TUBA3C: variants seen among roughly 807,000 people sequenced by gnomAD.
TUBA3C encodes the protein tubulin alpha 3c, also known as tubulin alpha-3C chain.
TUBA3C carries 23 observed loss-of-function variants against 33.4 expected under a neutral mutation model. The ratio of observed to expected loss-of-function variants is 0.69; its 90% CI spans 0.50 to 0.98. The LOEUF is 0.98. TUBA3C is among the 50% of genes least tolerant of loss of function. The probability of loss-of-function intolerance (pLI) is 0.00; values close to 1 mark genes in which losing one functional copy is unlikely to be tolerated. For missense variants in TUBA3C, 402 were observed against 616.0 expected (o/e 0.65, Z 3.68); for synonymous variants, 269 against 250.4 (o/e 1.07, Z -0.70).
intron 4 of TUBA3C, among the ~76,000 whole-genome samples, chr13:19,175,243 C>G (rs1869138418): frequency 6.6e-6 from 1 of 152,044 alleles, no homozygotes; most frequent in Non-Finnish European, 1.5e-5. Context: ...CACAGCAAGA[C>G]TCCGTCTCAA....
In TUBA3C at chr13:19,177,603, T is replaced by A; in HGVS notation, c.380A>T (p.Asp127Val). Residue 127 changes from aspartate (D) to valine (V), a missense_variant, in exon 4 of 5, where the codon GAT becomes GTT. Coordinates refer to ENST00000400113, the MANE Select transcript of TUBA3C (RefSeq NM_006001.3). The surrounding 1 kb of genome is among the most constrained non-coding windows in gnomAD (Gnocchi z 5.0). ...LVLDRIRKLA[D>V]LCTGLQGFLI... Reference sequence around the variant, plus strand: ...GAAGCCCTGCAGTCCCGTGCACAGATCCGCCTGAGGGAAACCAGACAACAT... The same window carrying A: ...GAAGCCCTGCAGTCCCGTGCACAGAACCGCCTGAGGGAAACCAGACAACAT... The A allele has an allele frequency of 1.3e-6, 2 of 1,572,166 alleles. No individual in the cohort carries two copies. Among genetic ancestry groups the A allele is most frequent in the Non-Finnish European group, 1.7e-6 (2 of 1,159,692 alleles).
intron 3 of TUBA3C, 35 bp downstream of exon 3, chr13:19,178,211 C>T: frequency 1.2e-6 from 2 of 1,612,260 alleles, no homozygotes; most frequent in Non-Finnish European, 1.7e-6. Context: ...CCCTCCTGTG[C>T]AGGACAATGG....
At chr13:19,174,796 C>T (rs914025836) in intron 4 of TUBA3C, among the ~76,000 whole-genome samples, 5 of 151,888 alleles carry the variant, frequency 3.3e-5, no homozygotes, top group Admixed American at 1.3e-4. Context: ...CCTGTCTCTA[C>T]CAAAAATACA....
Position 19,179,493 on chromosome 13 carries a change from C to A in TUBA3C, c.74G>T (p.Cys25Phe), listed in dbSNP as rs1286528002. ...ATCGGGCTGAATTCCATGTTCCAGG[C>A]AGTACAGTTCCCAGCAGGCATTGCC... Reference protein sequence around the residue: ...QIGNACWELYCLEHGIQPDGQ... With the variant: ...QIGNACWELYFLEHGIQPDGQ... The change falls in exon 2 of 5, where the codon TGC becomes TTC. Residue 25 changes from cysteine to phenylalanine, a missense_variant. By Grantham distance (205) the Cys-to-Phe change is radical. Transcript: ENST00000400113. The A allele has an allele frequency of 6.2e-7, 1 of 1,614,064 alleles. No individual in the cohort carries two copies. Among genetic ancestry groups the A allele is most frequent in the Non-Finnish European group, 8.5e-7 (1 of 1,180,042 alleles).
chr13:19,177,601 G>A lies in TUBA3C; in HGVS notation c.382C>T (p.Leu128=), dbSNP rs781058352. 6.4e-7 allele frequency: 1 copy of A among 1,572,626 alleles called. No homozygotes were observed. The highest frequency in any genetic ancestry group is 8.6e-7 in the Non-Finnish European group (1 of 1,160,208). Residue 128 remains leucine (L), a synonymous_variant, in exon 4 of 5, where the codon CTG becomes TTG. Coordinates refer to ENST00000400113, the MANE Select transcript of TUBA3C (RefSeq NM_006001.3). The surrounding 1 kb of genome is among the most constrained non-coding windows in gnomAD (Gnocchi z 5.0). The part of the protein sequence containing the change: ...VLDRIRKLAD[L]CTGLQGFLIF... ...AGGAAGCCCTGCAGTCCCGTGCACAGATCCGCCTGAGGGAAACCAGACAAC... is the reference window on the plus strand; with the variant it reads ...AGGAAGCCCTGCAGTCCCGTGCACAAATCCGCCTGAGGGAAACCAGACAAC...
At position 19,177,971 on chromosome 13, in the gene TUBA3C, T is replaced by G. The variant is rs958133556; in HGVS notation, c.375+275A>C. 6.6e-6 allele frequency among the ~76,000 whole-genome samples: 1 copy of G among 151,476 alleles called. No individual in the cohort carries two copies. The highest frequency in any genetic ancestry group is 1.5e-5 in the Non-Finnish European group (1 of 67,916). The stretch of plus-strand genomic sequence containing the variant: ...AAGCCATTCTCCTGCCTCAGCTTCC[T>G]GAGTAGCTGGGACTACAGGCAGGCA... On this transcript the variant is annotated intron_variant, in intron 3 of 4. Transcript: ENST00000400113. The surrounding 1 kb of genome is among the most constrained non-coding windows in gnomAD (Gnocchi z 5.0).
Position 19,177,335 on chromosome 13 carries a change from G to A in TUBA3C, c.648C>T (p.Asn216=). The A allele has an allele frequency of 1.9e-6, 3 of 1,614,136 alleles. No homozygotes were observed. Among genetic ancestry groups the A allele is most frequent in the Non-Finnish European group, 2.5e-6 (3 of 1,180,032 alleles). ...NEAIYDICRR[N]LDIERPTYTN... is the part of the protein sequence containing the mutation. ...TGTACGTGGGACGCTCGATGTCCAGGTTGCGCCGACATATGTCATAGATGG... is the reference window on the plus strand; with the variant it reads ...TGTACGTGGGACGCTCGATGTCCAGATTGCGCCGACATATGTCATAGATGG... Residue 216 remains asparagine (N), a synonymous_variant, in exon 4 of 5, where the codon AAC becomes AAT. Transcript: ENST00000400113. The surrounding 1 kb of genome is among the most constrained non-coding windows in gnomAD (Gnocchi z 5.0).
chr13:19,180,789 C>G (rs1247564686), intron 1 of TUBA3C, among the ~76,000 whole-genome samples: 13 of 151,728 alleles, frequency 8.6e-5, no homozygotes, highest in Non-Finnish European at 5.9e-5. Context: ...GCCACAGCGC[C>G]CGGCCGAAAA....
At chr13:19,178,742 G>A (rs186553842) in intron 2 of TUBA3C, among the ~76,000 whole-genome samples, 32 of 152,314 alleles carry the variant, frequency 2.1e-4, no homozygotes, top group Middle Eastern at 3.4e-3. Flanking sequence ...ATCGAAGGCT[G>A]TAAGTTAAAA....
intron 1 of TUBA3C, 76 bp from the exon 2 acceptor site, chr13:19,179,639 A>C: frequency 1.4e-6 from 2 of 1,461,420 alleles, no homozygotes; most frequent in South Asian, 2.8e-5. Context: ...AAATATTATA[A>C]TTTAATATTT....
chr13:19,181,668 A>G, intron 1 of TUBA3C, 77 bp downstream of exon 1: 4 of 1,593,002 alleles, frequency 2.5e-6, no homozygotes, highest in Non-Finnish European at 3.4e-6. Context: ...GCATCCCTCC[A>G]TCCAGCCACC....
intron 4 of TUBA3C, 39 bp from the exon 5 acceptor site, chr13:19,174,198 A>G (rs1229106181): frequency 6.4e-7 from 1 of 1,566,258 alleles, no homozygotes; most frequent in African/African-American, 1.4e-5. Context: ...TGAAGCTTAT[A>G]TCAAACCTGG....
rs1171436852 is a variant in TUBA3C at position 19,177,438 on chromosome 13, A to G, written c.545T>C (p.Val182Ala). ...YPAPQVSTAV[V>A]EPYNSILTTH... ...GGTCAGGATGGAGTTGTAGGGCTCC[A>G]CCACGGCCGTGGAGACCTGGGGGGC... The change falls in exon 4 of 5, where the codon GTG becomes GCG. Residue 182 changes from valine (V) to alanine (A), a missense_variant. Physicochemically the swap from Val to Ala is moderately conservative, Grantham distance 64. Transcript: ENST00000400113. This position sits in a 1 kb window ranked among gnomAD's most constrained non-coding sequence, Gnocchi z 5.0. 1 of 1,614,064 alleles carries G rather than the reference A, an allele frequency of 6.2e-7. No individual in the cohort carries two copies.
rs750387910 is a variant in TUBA3C, at chr13:19,177,605, C to T, written c.378G>A (p.Ala126=). 3.4e-5 allele frequency: 53 copies of T among 1,563,414 alleles called. No homozygotes were observed. The South Asian group carries it at 3.5e-4, about 10-fold the overall frequency. ...DLVLDRIRKL[A]DLCTGLQGFL... ...AGCCCTGCAGTCCCGTGCACAGATCCGCCTGAGGGAAACCAGACAACATGA... is the reference window on the plus strand; with the variant it reads ...AGCCCTGCAGTCCCGTGCACAGATCTGCCTGAGGGAAACCAGACAACATGA... The change falls in exon 4 of 5, where the codon GCG becomes GCA. Residue 126 remains alanine (A), a splice_region_variant and synonymous_variant. Coordinates refer to ENST00000400113, the MANE Select transcript of TUBA3C (RefSeq NM_006001.3). This position sits in a 1 kb window ranked among gnomAD's most constrained non-coding sequence, Gnocchi z 5.0.
chr13:19,176,058 A>G (rs1374578492), intron 4 of TUBA3C, among the ~76,000 whole-genome samples: 1 of 152,056 alleles, frequency 6.6e-6, no homozygotes, highest in African/African-American at 2.4e-5. Context: ...TTGTATTTTT[A>G]GTGGAGAGCT....
At chr13:19,178,772 T>A (rs969603040) in intron 2 of TUBA3C, among the ~76,000 whole-genome samples, 11 of 152,172 alleles carry the variant, frequency 7.2e-5, no homozygotes, top group African/African-American at 2.2e-4. Flanking sequence ...AACTGAGAAG[T>A]CACCAGGTCA....
chr13:19,180,524 CAG>C (rs1333132722), intron 1 of TUBA3C, among the ~76,000 whole-genome samples: 2 of 150,532 alleles, frequency 1.3e-5, no homozygotes, highest in Admixed American at 6.6e-5. Context: ...TTTTTTTAAA[CAG>C]AGTCTTGCTC....
chr13:19,181,377 G>C (rs184649785), intron 1 of TUBA3C, among the ~76,000 whole-genome samples: 2 of 152,118 alleles, frequency 1.3e-5, no homozygotes, highest in African/African-American at 4.8e-5. Flanking sequence ...GGCTCCTGGG[G>C]CTCCTCAGTG....
Position 19,173,907 on chromosome 13 carries a change from C to A in TUBA3C, c.1309G>T (p.Val437Leu), listed in dbSNP as rs746849086. The change falls in exon 5 of 5, where the codon GTG becomes TTG. Residue 437 changes from valine (V) to leucine (L), a missense_variant. By Grantham distance (32) the Val-to-Leu change is conservative. Transcript: ENST00000400113. ...TCAGCCTCGGCTTCCACGGAATCCACGCCCACCTCTTCATAATCCTTCTCC... is the reference window on the plus strand; with the variant it reads ...TCAGCCTCGGCTTCCACGGAATCCAAGCCCACCTCTTCATAATCCTTCTCC... ...ALEKDYEEVG[V>L]DSVEAEAEEG... 1.9e-6 allele frequency: 3 copies of A among 1,614,002 alleles called. No homozygotes were observed. The highest frequency in any genetic ancestry group is 2.5e-6 in the Non-Finnish European group (3 of 1,180,024).
Sources: allele counts gnomAD v4.1 joint callset (sites outside exome capture counted in the v4.1 genomes callset), GRCh38; gene constraint gnomAD v4.1.1; non-coding constraint Gnocchi (gnomAD v3.1); transcripts MANE v1.5; gene names NCBI Gene and HGNC (gene_info 2026-07-23, HGNC 2026-07-21).